ASTN2: variants seen among roughly 807,000 people sequenced by gnomAD.
ASTN2 encodes the protein astrotactin 2, also known as astrotactin-2.
A neutral mutation model predicts 139.8 loss-of-function variants in ASTN2; 54 were observed. The ratio of observed to expected loss-of-function variants is 0.39; its 90% CI spans 0.31 to 0.48. ASTN2 has a LOEUF of 0.48. ASTN2 is among the 20% of genes least tolerant of loss of function. The probability of loss-of-function intolerance (pLI) is 0.95; values close to 1 mark genes in which losing one functional copy is unlikely to be tolerated. For synonymous variants in ASTN2, 756 were observed against 719.5 expected (o/e 1.05, Z -0.81); for missense variants, 1,565 against 1,725.1 (o/e 0.91, Z 1.64).
intron 1 of ASTN2, among the ~76,000 whole-genome samples, chr9:117,382,651 T>C (rs184109113): frequency 1.3e-5 from 2 of 152,196 alleles, no homozygotes; most frequent in Non-Finnish European, 2.9e-5. Context: ...AATCTATTAG[T>C]AGTGACTGCT....
intron 3 of ASTN2, among the ~76,000 whole-genome samples, chr9:117,209,716 A>G (rs1322654006): frequency 6.6e-6 from 1 of 152,096 alleles, no homozygotes; most frequent in Non-Finnish European, 1.5e-5. Flanking sequence ...GTGATAGACA[A>G]TTACATAATA....
intron 5 of ASTN2, among the ~76,000 whole-genome samples, chr9:117,071,313 T>C (rs900063650): frequency 1.3e-5 from 2 of 151,776 alleles, no homozygotes; most frequent in African/African-American, 4.9e-5. Context: ...GCCTCCCAGT[T>C]AGGCTGCTCG....
intron 10 of ASTN2, among the ~76,000 whole-genome samples, chr9:116,905,852 G>GTTTT (rs1164737372): frequency 2.1e-5 from 1 of 47,274 alleles, no homozygotes; most frequent in African/African-American, 7.9e-5. Context: ...AGTGATCCCT[G>GTTTT]TTTTTTTTTT....
chr9:117,087,404 T>A (rs1335495231), intron 5 of ASTN2, among the ~76,000 whole-genome samples: 1 of 152,102 alleles, frequency 6.6e-6, no homozygotes, highest in African/African-American at 2.4e-5. Flanking sequence ...CTGGCTAATT[T>A]TTTTGTAGAG....
intron 5 of ASTN2, among the ~76,000 whole-genome samples, chr9:117,068,751 C>T (rs1428183000): frequency 3.3e-5 from 4 of 123,028 alleles, no homozygotes; most frequent in East Asian, 3.3e-4. Context: ...GTGTATGTGT[C>T]GAGGAATTTA....
At chr9:116,615,299 T>C (rs569936493) in intron 19 of ASTN2, among the ~76,000 whole-genome samples, 1 of 152,320 alleles carries the variant, frequency 6.6e-6, no homozygotes, top group Admixed American at 6.5e-5. Context: ...AGTTGAACCA[T>C]TGTGGAAGAC....
intron 1 of ASTN2, among the ~76,000 whole-genome samples, chr9:117,398,701 G>A (rs1564184701): frequency 2.0e-5 from 3 of 152,218 alleles, no homozygotes; most frequent in Admixed American, 2.0e-4. Flanking sequence ...TGAGGAATGT[G>A]TTTGGGTGGA....
chr9:116,601,925 T>C (rs902792749), intron 19 of ASTN2, among the ~76,000 whole-genome samples: 1 of 144,950 alleles, frequency 6.9e-6, no homozygotes, highest in Admixed American at 6.7e-5. Flanking sequence ...GAGATTAAAT[T>C]GAGAAAAGAT....
intron 1 of ASTN2, among the ~76,000 whole-genome samples, chr9:117,352,256 A>T (rs1427500942): frequency 6.6e-6 from 1 of 152,172 alleles, no homozygotes; most frequent in Non-Finnish European, 1.5e-5. Context: ...TTATGACTTC[A>T]TCTACCTTTA....
chr9:116,460,752 C>A (rs956611049), intron 20 of ASTN2, among the ~76,000 whole-genome samples: 1 of 152,080 alleles, frequency 6.6e-6, no homozygotes, highest in Non-Finnish European at 1.5e-5. Context: ...CTGCTGCTTG[C>A]AGGCTTGTGA....
intron 17 of ASTN2, among the ~76,000 whole-genome samples, chr9:116,646,866 C>T (rs57985582): frequency 0.025 from 3,792 of 152,316 alleles, 147 homozygotes; most frequent in African/African-American, 0.087. Context: ...CTCCTCACCA[C>T]ATGTTGTACA....
intron 10 of ASTN2, among the ~76,000 whole-genome samples, chr9:116,953,319 T>G (rs941032076): frequency 6.6e-6 from 1 of 152,188 alleles, no homozygotes; most frequent in African/African-American, 2.4e-5. Flanking sequence ...TCTGTATCTG[T>G]TTGACTTCTA....
In ASTN2 at chr9:116,586,948, C is replaced by G. The variant is rs1854183444; in HGVS notation, c.3355+31376G>C. 2.6e-5 allele frequency among the ~76,000 whole-genome samples: 4 copies of G among 152,168 alleles called. No individual in the cohort carries two copies. In the South Asian group the frequency reaches 8.3e-4, roughly 32 times the overall value. ...TTTGAGTTTAGAGAGGAGCCACGCT[C>G]TCAAGTTGAAGATTCTGCTAACTCA... On this transcript the variant is annotated intron_variant, in intron 19 of 22. Transcript: ENST00000313400.
At chr9:116,723,656 C>A (rs1391112084) in intron 16 of ASTN2, among the ~76,000 whole-genome samples, 2 of 152,128 alleles carry the variant, frequency 1.3e-5, no homozygotes, top group African/African-American at 4.8e-5. Context: ...ATGCATATCC[C>A]CAGCTTCTCA....
At chr9:116,852,457 C>T (rs905339697) in intron 11 of ASTN2, among the ~76,000 whole-genome samples, 1 of 152,178 alleles carries the variant, frequency 6.6e-6, no homozygotes, top group Non-Finnish European at 1.5e-5. Flanking sequence ...GCCCATCTCT[C>T]TCTAGGAACG....
At chr9:117,055,364 C>A (rs1408459334) in intron 5 of ASTN2, among the ~76,000 whole-genome samples, 1 of 152,110 alleles carries the variant, frequency 6.6e-6, no homozygotes, top group Non-Finnish European at 1.5e-5. Context: ...TGCCTGTAAT[C>A]CCAACACTTT....
chr9:117,311,392 C>T (rs1264657460), intron 1 of ASTN2, among the ~76,000 whole-genome samples: 1 of 152,162 alleles, frequency 6.6e-6, no homozygotes, highest in Non-Finnish European at 1.5e-5. Flanking sequence ...ACCAGAGGCA[C>T]ATACCAGTTA....
At chr9:116,905,837 C>T (rs1027407313) in intron 10 of ASTN2, among the ~76,000 whole-genome samples, 3 of 118,632 alleles carry the variant, frequency 2.5e-5, no homozygotes, top group East Asian at 4.7e-4. Context: ...GGAAGCACAG[C>T]AGTAAGTGAT....
chr9:116,488,153 A>G (rs1849401144), intron 19 of ASTN2, among the ~76,000 whole-genome samples: 1 of 152,186 alleles, frequency 6.6e-6, no homozygotes, highest in African/African-American at 2.4e-5. Flanking sequence ...TATGTGCCAC[A>G]TATTTGTGAT....
Sources: gnomAD v4.1 joint callset for allele counts (sites outside exome capture counted in the v4.1 genomes callset) on GRCh38, gnomAD v4.1.1 for gene constraint, MANE v1.5 for transcripts, NCBI Gene and HGNC (gene_info 2026-07-23, HGNC 2026-07-21) for gene names.